The following MAGI2 variants were observed in gnomAD, a reference collection of about 807,000 sequenced individuals.
MAGI2 encodes membrane associated guanylate kinase, WW and PDZ domain containing 2.
In MAGI2, 35 loss-of-function variants were observed where a neutral mutation model predicts 133.3. The observed-to-expected ratio is 0.26, with a 90% CI of 0.20 to 0.35. The LOEUF (loss-of-function observed/expected upper bound fraction) is 0.35, where lower values mean the gene tolerates loss of function less well. MAGI2 is among the 10% of genes least tolerant of loss of function. The pLI is 1.00. For missense variants in MAGI2, 1,636 were observed against 1,863.4 expected (o/e 0.88, Z 2.25); for synonymous variants, 729 against 710.6 (o/e 1.03, Z -0.41).
intron 1 of MAGI2, among the ~76,000 whole-genome samples, chr7:79,149,089 T>TTTATATGTAATATAATATATTATA (rs2129546815): frequency 6.9e-6 from 1 of 144,690 alleles, no homozygotes; most frequent in Non-Finnish European, 1.5e-5. Flanking sequence ...GATATATATT[T>TTTATATGTAATATAATATATTATA]TTATATGTAA....
intron 6 of MAGI2, among the ~76,000 whole-genome samples, chr7:78,458,102 C>T (rs1789516587): frequency 6.6e-6 from 1 of 151,890 alleles, no homozygotes; most frequent in Non-Finnish European, 1.5e-5. Flanking sequence ...TCGATACCAT[C>T]CTGGCCAACA....
intron 1 of MAGI2, among the ~76,000 whole-genome samples, chr7:79,171,770 A>ATATATATATATATT: frequency 1.6e-4 from 5 of 31,222 alleles, no homozygotes; most frequent in Admixed American, 4.0e-4. Flanking sequence ...ATATATATAT[A>ATATATATATATATT]TTTTTTTTTT....
chr7:78,187,634 T>C (rs1827816367), intron 12 of MAGI2, among the ~76,000 whole-genome samples: 1 of 152,190 alleles, frequency 6.6e-6, no homozygotes, highest in Non-Finnish European at 1.5e-5. Context: ...CCAGGTAAGC[T>C]GTGTTTTCCC....
chr7:78,686,704 TG>T (rs1165085499), intron 2 of MAGI2, among the ~76,000 whole-genome samples: 1 of 152,188 alleles, frequency 6.6e-6, no homozygotes, highest in Admixed American at 6.5e-5. Context: ...TGCATATTTC[TG>T]AAAAAGAGCA....
chr7:78,071,677 C>A (rs998314947), intron 21 of MAGI2, among the ~76,000 whole-genome samples: 1 of 152,146 alleles, frequency 6.6e-6, no homozygotes, highest in Non-Finnish European at 1.5e-5. Context: ...CTAGGAAGAA[C>A]CCTGTTCTCT....
At chr7:79,170,857 C>G (rs918106440) in intron 1 of MAGI2, among the ~76,000 whole-genome samples, 1 of 151,994 alleles carries the variant, frequency 6.6e-6, no homozygotes, top group South Asian at 2.1e-4. Context: ...ATGAGTTTTA[C>G]TTAAAATGAG....
At chr7:78,834,332 A>G (rs510604) in intron 2 of MAGI2, among the ~76,000 whole-genome samples, 143,107 of 152,168 alleles carry the variant, frequency 0.94, 67,797 homozygotes, top group Non-Finnish European at 1. Context: ...AAGAAACCCC[A>G]CATTTCTTAG....
At chr7:79,448,631 C>A (rs984611848) in intron 1 of MAGI2, among the ~76,000 whole-genome samples, 4 of 152,064 alleles carry the variant, frequency 2.6e-5, no homozygotes, top group Non-Finnish European at 5.9e-5. Context: ...GAGACTGTAC[C>A]TTTAACCATT....
chr7:78,749,078 G>T (rs547429115), intron 2 of MAGI2, among the ~76,000 whole-genome samples: 9 of 152,148 alleles, frequency 5.9e-5, no homozygotes, highest in Non-Finnish European at 1.3e-4. Flanking sequence ...CCAAATACAA[G>T]CAAGAAAACA....
At chr7:78,300,888 T>A (rs1376687620) in intron 9 of MAGI2, among the ~76,000 whole-genome samples, 1 of 152,202 alleles carries the variant, frequency 6.6e-6, no homozygotes, top group Non-Finnish European at 1.5e-5. Flanking sequence ...TTTCACCTGA[T>A]CTCAATTGGG....
intron 1 of MAGI2, among the ~76,000 whole-genome samples, chr7:79,443,518 A>G (rs990808152): frequency 1.3e-5 from 2 of 152,214 alleles, no homozygotes; most frequent in African/African-American, 4.8e-5. Flanking sequence ...AGATTTGACA[A>G]GTTTAGGGTA....
At chr7:78,498,711 G>C (rs187384563) in intron 5 of MAGI2, among the ~76,000 whole-genome samples, 1 of 152,098 alleles carries the variant, frequency 6.6e-6, no homozygotes, top group Non-Finnish European at 1.5e-5. Flanking sequence ...GAGGTTCAAA[G>C]GTAACCTTTA....
intron 1 of MAGI2, among the ~76,000 whole-genome samples, chr7:79,248,512 A>T (rs147822171): frequency 6.6e-6 from 1 of 152,246 alleles, no homozygotes; most frequent in Non-Finnish European, 1.5e-5. Flanking sequence ...CTATAGACCG[A>T]ATGGACTTAT....
At chr7:79,362,949 T>C (rs1842455122) in intron 1 of MAGI2, among the ~76,000 whole-genome samples, 1 of 151,700 alleles carries the variant, frequency 6.6e-6, no homozygotes, top group African/African-American at 2.4e-5. Flanking sequence ...ATTCTAGCTG[T>C]GGTAATAAGG....
chr7:78,772,527 A>G (rs1306141706), intron 2 of MAGI2, among the ~76,000 whole-genome samples: 1 of 152,176 alleles, frequency 6.6e-6, no homozygotes, highest in Non-Finnish European at 1.5e-5. Context: ...TCTTACACAA[A>G]CAGCCTCTCC....
At chr7:79,185,588 T>C (rs1272986861) in intron 1 of MAGI2, among the ~76,000 whole-genome samples, 2 of 150,066 alleles carry the variant, frequency 1.3e-5, no homozygotes, top group Non-Finnish European at 2.9e-5. Flanking sequence ...GTTTGCTAAA[T>C]GAATGAATTA....
At chr7:79,449,897 T>TATATATATATATATATATATATATATATA (rs1491494586) in intron 1 of MAGI2, among the ~76,000 whole-genome samples, 2 of 132,350 alleles carry the variant, frequency 1.5e-5, no homozygotes, top group African/African-American at 2.7e-5. Context: ...TATATATATA[T>TATATATATATATATATATATATATATATA]AATGTCTTAA....
intron 1 of MAGI2, among the ~76,000 whole-genome samples, chr7:79,139,161 A>C (rs1281066896): frequency 2.0e-5 from 3 of 151,994 alleles, no homozygotes; most frequent in African/African-American, 7.3e-5. Flanking sequence ...AAGAATATAA[A>C]TTTCAATTAT....
At chr7:78,379,782 G>A (rs1428121648) in intron 6 of MAGI2, among the ~76,000 whole-genome samples, 5 of 151,756 alleles carry the variant, frequency 3.3e-5, no homozygotes, top group Admixed American at 1.3e-4. Flanking sequence ...TGGAACACTC[G>A]CCAAAATTGT....
Sources: gnomAD v4.1 joint callset for allele counts (sites outside exome capture counted in the v4.1 genomes callset) on GRCh38, gnomAD v4.1.1 for gene constraint, MANE v1.5 for transcripts, NCBI Gene and HGNC (gene_info 2026-07-23, HGNC 2026-07-21) for gene names.